Variants in AZI2 observed in about 807,000 individuals in gnomAD.
AZI2 encodes 5-azacytidine induced 2.
AZI2 carries 22 observed loss-of-function variants against 45.8 expected under a neutral mutation model. The ratio of observed to expected loss-of-function variants is 0.48; its 90% CI spans 0.34 to 0.69. The LOEUF is 0.69. AZI2 is among the 30% of genes least tolerant of loss of function. The pLI, the probability that AZI2 is intolerant of heterozygous loss-of-function variation, is 0.01. For synonymous variants in AZI2, 137 were observed against 156.7 expected, an observed-to-expected ratio of 0.87 and a Z score of 0.94; for missense variants, 417 against 441.5, an observed-to-expected ratio of 0.94 and a Z score of 0.50.
Position 28,323,856 on chromosome 3 carries a change from G to A in AZI2, c.*186C>T. 1.9e-6 allele frequency: 1 copy of A among 538,328 alleles called. No individual in the cohort carries two copies. Among genetic ancestry groups the A allele is most frequent in the Non-Finnish European group, 3.3e-6 (1 of 306,410 alleles). The allele number at this position is 538,328 out of a possible 1,614,324, so 33.3% of individuals were successfully genotyped here. ...TTCTTAGAATATGGAGCTAGAGGGT[G>A]CTCTTTCATACTAGAAAACCAACTA... is the stretch of plus-strand genomic sequence containing the variant. On this transcript the variant is annotated 3_prime_UTR_variant, in exon 8 of 8. Coordinates refer to ENST00000479665, the MANE Select transcript of AZI2 (RefSeq NM_022461.5).
chr3:28,336,900 G>T lies in AZI2; in HGVS notation c.440-15C>A. Reference sequence around the variant, plus strand: ...ATTCCTCATCACTACAAAAAGGATGGACACTGAAATTGTTATCTTTTCCTT... The same window carrying T: ...ATTCCTCATCACTACAAAAAGGATGTACACTGAAATTGTTATCTTTTCCTT... On this transcript the variant is annotated splice_polypyrimidine_tract_variant and intron_variant, in intron 4 of 7. Transcript: ENST00000479665. 1 of 1,609,760 alleles carries T rather than the reference G, an allele frequency of 6.2e-7. No individual in the cohort carries two copies. Among genetic ancestry groups the T allele is most frequent in the South Asian group, 1.1e-5 (1 of 90,464 alleles).
At chr3:28,326,323 C>G (rs1464339819) in intron 7 of AZI2, among the ~76,000 whole-genome samples, 1 of 150,852 alleles carries the variant, frequency 6.6e-6, no homozygotes, top group Non-Finnish European at 1.5e-5. Flanking sequence ...GGGGAGAACA[C>G]CTAGTCTTCG....
In AZI2 at chr3:28,322,160, C is replaced by CTT. The variant is rs1261609323; in HGVS notation, c.*1880_*1881dup. On this transcript the variant is annotated 3_prime_UTR_variant, in exon 8 of 8. Coordinates refer to ENST00000479665, the MANE Select transcript of AZI2 (RefSeq NM_022461.5). ...AACCTTATACATCATTTGTCTAACA[C>CTT]TTTAAACTGTCACAGTCACTGACTT... 4.0e-5 allele frequency: 6 copies of CTT among 151,194 alleles called. No homozygotes were observed. The highest frequency in any genetic ancestry group is 1.5e-4 in the African/African-American group (6 of 41,326). 9.4% of individuals were successfully genotyped at this position (151,194 alleles called of 1,614,324 possible).
chr3:28,336,404 A>T (rs1251148392), intron 5 of AZI2, among the ~76,000 whole-genome samples: 1 of 152,068 alleles, frequency 6.6e-6, no homozygotes, highest in Non-Finnish European at 1.5e-5. Context: ...ATAGGACTTA[A>T]AACCTGAGTT....
chr3:28,343,340 A>G (rs2125668213), intron 1 of AZI2, among the ~76,000 whole-genome samples: 1 of 152,126 alleles, frequency 6.6e-6, no homozygotes, highest in Non-Finnish European at 1.5e-5. Context: ...CAGCAGGGGA[A>G]CAAGTTCAAA....
At chr3:28,335,292 T>C (rs1197948910) in intron 5 of AZI2, among the ~76,000 whole-genome samples, 1 of 151,914 alleles carries the variant, frequency 6.6e-6, no homozygotes, top group Non-Finnish European at 1.5e-5. Flanking sequence ...CTATCAAATT[T>C]CCTTTCAAAC....
intron 5 of AZI2, among the ~76,000 whole-genome samples, chr3:28,333,889 T>C (rs1703685871): frequency 6.6e-6 from 1 of 151,490 alleles, no homozygotes; most frequent in Non-Finnish European, 1.5e-5. Context: ...TACAGTACAC[T>C]GTGAATCTCT....
intron 2 of AZI2, among the ~76,000 whole-genome samples, chr3:28,339,054 C>T (rs1459916560): frequency 6.6e-6 from 1 of 151,516 alleles, no homozygotes. Flanking sequence ...GATCTCAGCT[C>T]ACTGCAACCT....
At chr3:28,346,129 T>C (rs943954313) in intron 1 of AZI2, among the ~76,000 whole-genome samples, 3 of 152,054 alleles carry the variant, frequency 2.0e-5, no homozygotes, top group South Asian at 2.1e-4. Flanking sequence ...AAAGAGGCAA[T>C]ACAAAAGGGA....
intron 4 of AZI2, among the ~76,000 whole-genome samples, chr3:28,337,676 CTT>C (rs1285645235): frequency 5.9e-5 from 9 of 152,162 alleles, no homozygotes; most frequent in African/African-American, 1.9e-4. Flanking sequence ...GGCTTCTACT[CTT>C]TTCCTCTTCT....
rs575403317 is a variant in AZI2, at chr3:28,338,012, T to C, written c.364A>G (p.Lys122Glu). 3 of 1,591,798 alleles carry C rather than the reference T, an allele frequency of 1.9e-6. No homozygotes were observed. The highest frequency in any genetic ancestry group is 1.7e-5 in the Admixed American group (1 of 58,602). ...GATTGTAGCTGCTCATTCAATACTT[T>C]CAAAGATTCAGAGTTGTCTTTATTC... The part of the protein sequence containing the change: ...KMNKDNSESL[K>E]VLNEQLQSKE... Residue 122 changes from lysine to glutamate, a missense_variant, in exon 4 of 8, where the codon AAA becomes GAA. Lys to Glu is a moderately conservative substitution (Grantham distance 56). Transcript: ENST00000479665.
rs1703965182 is a variant in AZI2 at position 28,340,394 on chromosome 3, A to G, written c.216+8T>C. 1 of 1,528,076 alleles carries G rather than the reference A, an allele frequency of 6.5e-7. No homozygotes were observed. Among genetic ancestry groups the G allele is most frequent in the East Asian group, 2.3e-5 (1 of 44,228 alleles). The allele number at this position is 1,528,076 out of a possible 1,614,324, so 94.7% of individuals were successfully genotyped here. ...ACAAACGCAATGAAGGTAAAAGATA[A>G]AAATTACCTTTTCTTCCAAAAATCT... On this transcript the variant is annotated splice_region_variant and intron_variant, in intron 2 of 7. Transcript: ENST00000479665.
rs1400656792 is a variant in AZI2 at position 28,322,626 on chromosome 3, A to T, written c.*1416T>A. 1 of 151,590 alleles carries T rather than the reference A, an allele frequency of 6.6e-6. No individual in the cohort carries two copies. The highest frequency in any genetic ancestry group is 1.5e-5 in the Non-Finnish European group (1 of 67,420). 9.4% of individuals were successfully genotyped at this position (151,590 alleles called of 1,614,324 possible). A position where few individuals can be genotyped will look rare whatever the true frequency, so the allele number is the denominator to read the frequency against. On this transcript the variant is annotated 3_prime_UTR_variant, in exon 8 of 8. Coordinates refer to ENST00000479665, the MANE Select transcript of AZI2 (RefSeq NM_022461.5). ...CTGGAGTATTGTATTTCTTTTATGC[A>T]TATTGGGTTTGGTTCTATTACTTGG...
chr3:28,330,934 T>A (rs1052088815), intron 6 of AZI2, among the ~76,000 whole-genome samples: 7 of 151,364 alleles, frequency 4.6e-5, no homozygotes, highest in Admixed American at 1.3e-4. Flanking sequence ...ATTGCGAGAC[T>A]ATACTCTGGA....
intron 7 of AZI2, 195 bp downstream of exon 7, chr3:28,326,637 T>C: frequency 1.7e-6 from 1 of 599,402 alleles, no homozygotes; most frequent in South Asian, 1.8e-5. Flanking sequence ...AAAAAACACA[T>C]CAGCAACACC....
chr3:28,346,026 T>C (rs1704210411), intron 1 of AZI2, among the ~76,000 whole-genome samples: 1 of 152,134 alleles, frequency 6.6e-6, no homozygotes, highest in African/African-American at 2.4e-5. Flanking sequence ...AAAAGTTAAA[T>C]ACCTTACCTA....
In AZI2 at chr3:28,338,507, T is replaced by C; in HGVS notation, c.325A>G (p.Lys109Glu). 6.4e-7 allele frequency: 1 copy of C among 1,573,086 alleles called. No individual in the cohort carries two copies. The highest frequency in any genetic ancestry group is 8.7e-7 in the Non-Finnish European group (1 of 1,150,506). ...AATCAACTTACCATTTTGTCCAGTT[T>C]GCTCTTCAAATTATCTCTATCAATG... ...VCIDRDNLKS[K>E]LDKMNKDNSE... Residue 109 changes from lysine to glutamate, a missense_variant, in exon 3 of 8, where the codon AAA becomes GAA. By Grantham distance (56) the Lys-to-Glu change is moderately conservative. Coordinates refer to ENST00000479665, the MANE Select transcript of AZI2 (RefSeq NM_022461.5).
intron 1 of AZI2, among the ~76,000 whole-genome samples, chr3:28,342,485 C>T (rs1034143764): frequency 1.3e-5 from 2 of 152,014 alleles, no homozygotes; most frequent in Non-Finnish European, 2.9e-5. Context: ...CTGATGCAAG[C>T]TGCATTTTCT....
At chr3:28,330,758 C>A (rs908642590) in intron 6 of AZI2, among the ~76,000 whole-genome samples, 1 of 151,290 alleles carries the variant, frequency 6.6e-6, no homozygotes, top group Non-Finnish European at 1.5e-5. Context: ...TTGCAAAAAA[C>A]CACAAGTGTA....
Sources: gnomAD v4.1 joint callset for allele counts (sites outside exome capture counted in the v4.1 genomes callset) on GRCh38, gnomAD v4.1.1 for gene constraint, MANE v1.5 for transcripts, NCBI Gene and HGNC (gene_info 2026-07-23, HGNC 2026-07-21) for gene names.